Variants in METTL15 observed in about 807,000 individuals in gnomAD.
The protein encoded by METTL15 is methyltransferase 15, mitochondrial 12S rRNA N4-cytidine.
METTL15 carries 34 observed loss-of-function variants against 38.3 expected under a neutral mutation model. The ratio of observed to expected loss-of-function variants is 0.89; its 90% CI spans 0.68 to 1.18. METTL15 has a LOEUF of 1.18. Ranked by LOEUF, METTL15 falls within the 50% of genes most tolerant of loss-of-function variation. The probability of loss-of-function intolerance (pLI) is 0.00; values close to 1 mark genes in which losing one functional copy is unlikely to be tolerated. For missense variants in METTL15, 438 were observed against 498.4 expected (o/e 0.88, Z 1.15); for synonymous variants, 162 against 170.9 (o/e 0.95, Z 0.41).
intron 4 of METTL15, among the ~76,000 whole-genome samples, chr11:28,221,381 G>A (rs934171400): frequency 1.3e-5 from 2 of 151,990 alleles, no homozygotes; most frequent in South Asian, 2.1e-4. Context: ...CATTCGTTAC[G>A]CAGTTCTCGT....
chr11:28,310,370 A>G (rs977129650), intron 6 of METTL15, among the ~76,000 whole-genome samples: 1 of 151,890 alleles, frequency 6.6e-6, no homozygotes, highest in African/African-American at 2.4e-5. Flanking sequence ...ACACACACAC[A>G]CACACACGCA....
At chr11:28,153,995 C>A (rs1018902931) in intron 3 of METTL15, among the ~76,000 whole-genome samples, 10 of 152,096 alleles carry the variant, frequency 6.6e-5, no homozygotes, top group Non-Finnish European at 1.0e-4. Flanking sequence ...ATGTAAATTT[C>A]TAAATATCAA....
At chr11:28,395,923 G>A (rs1467645761) in intron 5 of METTL15, among the ~76,000 whole-genome samples, 1 of 152,130 alleles carries the variant, frequency 6.6e-6, no homozygotes, top group African/African-American at 2.4e-5. Context: ...TCATCCCTGG[G>A]ATGCAAGGCT....
chr11:28,135,833 T>C (rs1463553548), intron 3 of METTL15, among the ~76,000 whole-genome samples: 1 of 152,208 alleles, frequency 6.6e-6, no homozygotes, highest in Non-Finnish European at 1.5e-5. Context: ...TAAATTTCCT[T>C]GACTCTAAAA....
At chr11:28,382,183 TA>T (rs1850393493) in intron 5 of METTL15, among the ~76,000 whole-genome samples, 2 of 152,158 alleles carry the variant, frequency 1.3e-5, no homozygotes, top group African/African-American at 2.4e-5. Flanking sequence ...AATGGTTGGC[TA>T]GGGGTTCTTG....
At chr11:28,439,746 T>C (rs1048683605) in intron 6 of METTL15, among the ~76,000 whole-genome samples, 8 of 152,220 alleles carry the variant, frequency 5.3e-5, no homozygotes, top group Admixed American at 6.5e-5. Context: ...TGGAATTTTA[T>C]AGGACTGTGG....
At chr11:28,297,288 A>T (rs1856775972) in intron 6 of METTL15, among the ~76,000 whole-genome samples, 1 of 152,150 alleles carries the variant, frequency 6.6e-6, no homozygotes, top group Non-Finnish European at 1.5e-5. Context: ...GGATTTCTTG[A>T]TCCATCGCAG....
intron 5 of METTL15, among the ~76,000 whole-genome samples, chr11:28,395,417 G>T (rs1237489716): frequency 3.3e-5 from 5 of 152,066 alleles, no homozygotes; most frequent in Admixed American, 2.6e-4. Flanking sequence ...TATTTTGGTG[G>T]ACATTGTAGG....
chr11:28,143,285 T>A (rs1849762134), intron 3 of METTL15, among the ~76,000 whole-genome samples: 1 of 152,188 alleles, frequency 6.6e-6, no homozygotes, highest in African/African-American at 2.4e-5. Context: ...TTGAGGAGTC[T>A]TATAGTCAAA....
chr11:28,391,027 G>T (rs1015882788), intron 5 of METTL15, among the ~76,000 whole-genome samples: 5 of 152,114 alleles, frequency 3.3e-5, no homozygotes, highest in Non-Finnish European at 5.9e-5. Context: ...TTGCCTCGCT[G>T]TTTGTCTGTT....
chr11:28,109,095 TTATAAA>T (rs1374268953), intron 1 of METTL15, among the ~76,000 whole-genome samples: 1 of 152,230 alleles, frequency 6.6e-6, no homozygotes. Context: ...CAATATCACT[TTATAAA>T]TAGGATGACT....
intron 6 of METTL15, among the ~76,000 whole-genome samples, chr11:28,312,576 G>C (rs1008274221): frequency 2.0e-5 from 3 of 151,954 alleles, no homozygotes; most frequent in Non-Finnish European, 4.4e-5. Context: ...TTTTTTTCTT[G>C]TTGTGTTAGT....
intron 3 of METTL15, among the ~76,000 whole-genome samples, chr11:28,180,823 C>G (rs1851255112): frequency 6.6e-6 from 1 of 151,644 alleles, no homozygotes; most frequent in Non-Finnish European, 1.5e-5. Flanking sequence ...CTGGTAGACT[C>G]TAGGACTTAA....
At chr11:28,174,631 G>A (rs997167120) in intron 3 of METTL15, among the ~76,000 whole-genome samples, 23 of 151,610 alleles carry the variant, frequency 1.5e-4, no homozygotes, top group Non-Finnish European at 3.1e-4. Flanking sequence ...TGGCGAACAC[G>A]GTGAAACCCC....
intron 3 of METTL15, among the ~76,000 whole-genome samples, chr11:28,345,346 G>A (rs536895416): frequency 3.3e-5 from 5 of 151,944 alleles, no homozygotes; most frequent in African/African-American, 4.8e-5. Context: ...GCGCCACCAC[G>A]CCCGGCTAAT....
At chr11:28,408,587 G>T (rs1209686032) in intron 5 of METTL15, among the ~76,000 whole-genome samples, 1 of 151,934 alleles carries the variant, frequency 6.6e-6, no homozygotes, top group Non-Finnish European at 1.5e-5. Flanking sequence ...TAATAATAGG[G>T]GAATGGATAA....
intron 6 of METTL15, among the ~76,000 whole-genome samples, chr11:28,485,905 T>G (rs1358017852): frequency 6.6e-6 from 1 of 152,146 alleles, no homozygotes; most frequent in Non-Finnish European, 1.5e-5. Context: ...CTTCTATGCG[T>G]GTGCATGTAG....
intron 3 of METTL15, among the ~76,000 whole-genome samples, chr11:28,192,367 T>C (rs2133804458): frequency 6.6e-6 from 1 of 151,978 alleles, no homozygotes; most frequent in Middle Eastern, 3.4e-3. Context: ...CTTGCATTCC[T>C]GGGATTAGCC....
intron 6 of METTL15, among the ~76,000 whole-genome samples, chr11:28,317,577 G>A (rs559424064): frequency 4.6e-5 from 7 of 152,216 alleles, no homozygotes; most frequent in South Asian, 4.1e-4. Flanking sequence ...ATTTAAACAC[G>A]TGAATGTATT....
Sources: gnomAD v4.1 joint callset for allele counts (sites outside exome capture counted in the v4.1 genomes callset) on GRCh38, gnomAD v4.1.1 for gene constraint, MANE v1.5 for transcripts, NCBI Gene and HGNC (gene_info 2026-07-23, HGNC 2026-07-21) for gene names.